HELZ2: variants seen among roughly 807,000 people sequenced by gnomAD.
HELZ2 encodes the protein helicase with zinc finger 2.
In HELZ2, 143 loss-of-function variants were observed where a neutral mutation model predicts 208.8. That is an observed-to-expected ratio of 0.68 (90% CI 0.60 to 0.79). HELZ2 has a LOEUF of 0.79. Ranked by LOEUF, HELZ2 falls within the 30% of genes least tolerant of loss-of-function variation. HELZ2 has a pLI of 0.00. For synonymous variants in HELZ2, 1,705 were observed against 1,693.7 expected, an observed-to-expected ratio of 1.01 and a Z score of -0.16; for missense variants, 3,690 against 3,794.5, an observed-to-expected ratio of 0.97 and a Z score of 0.72.
At position 63,563,101 on chromosome 20, in the gene HELZ2, C is replaced by G. The variant is rs778133357; in HGVS notation, c.5721G>C (p.Pro1907=). The G allele has an allele frequency of 1.1e-5, 17 of 1,595,440 alleles. No homozygotes were observed. In the South Asian group the frequency reaches 1.9e-4, roughly 18 times the overall value. The change falls in exon 8 of 19, where the codon CCG becomes CCC. Residue 1907 remains proline, a synonymous_variant. Coordinates refer to ENST00000467148, the Ensembl canonical transcript of HELZ2. Reference sequence around the variant, plus strand: ...CGTGCTCCAGGCAGAGGCTGAAGCCCGGTGCCACCGTCCAGAGCTGAGGGC... The same window carrying G: ...CGTGCTCCAGGCAGAGGCTGAAGCCGGGTGCCACCGTCCAGAGCTGAGGGC...
At chr20:63,559,441 TCAGGGTCAGGTGGGAG>T in intron 18 of HELZ2, 71 bp from the exon 20 acceptor site, 1 of 1,212,376 alleles carries the variant, frequency 8.2e-7, no homozygotes, top group Non-Finnish European at 1.1e-6. Flanking sequence ...GTGGGAGGAG[TCAGGGTCAGGTGGGAG>T]TCAGTCAGGG....
chr20:63,562,210 G>A lies in HELZ2; in HGVS notation c.6398-7C>T, dbSNP rs767412349. On this transcript the variant is annotated splice_region_variant and splice_polypyrimidine_tract_variant and intron_variant, in intron 9 of 18. Transcript: ENST00000467148. Reference sequence around the variant, plus strand: ...AGGAACCTGCTGGGGATCACTGAGAGGGGGCAGCCTCCCTGAGCACTCATG... The same window carrying A: ...AGGAACCTGCTGGGGATCACTGAGAAGGGGCAGCCTCCCTGAGCACTCATG... 11 of 1,611,808 alleles carry A rather than the reference G, an allele frequency of 6.8e-6. No homozygotes were observed. The South Asian group carries it at 1.1e-4, about 16-fold the overall frequency.
chr20:63,568,787 C>T lies in HELZ2; in HGVS notation c.1301G>A (p.Arg434Gln), dbSNP rs369772118. The T allele has an allele frequency of 5.4e-5, 87 of 1,611,310 alleles. No homozygotes were observed. Among genetic ancestry groups the T allele is most frequent in the Admixed American group, 1.3e-4 (8 of 59,946 alleles). The change falls in exon 5 of 19, where the codon CGG (arginine) becomes CAG (glutamine). Residue 434 changes from arginine to glutamine, a missense_variant. Arg to Gln is a conservative substitution (Grantham distance 43). This residue lies in a region of HELZ2 where 1,119 missense variants were observed against 1,193.4 expected (regional missense o/e 0.94). Transcript: ENST00000467148. ...CTCTGAGCTGGCCCGCCTCTCCAGC[C>T]GCACCTCGAACACCGTATTGTCGGG... is the stretch of plus-strand genomic sequence containing the variant.
At chr20:63,559,975 T>C in exon 18 of HELZ2, 1 of 1,612,134 alleles carries the variant, frequency 6.2e-7, no homozygotes, top group Non-Finnish European at 8.5e-7. Context: ...CACATTCACT[T>C]GGTTGGGGTC....
exon 8 of HELZ2, chr20:63,564,284 T>G (rs771427879): frequency 2.2e-5 from 36 of 1,609,228 alleles, no homozygotes; most frequent in Non-Finnish European, 3.1e-5. Context: ...CAGGGTGCCG[T>G]CCTCGTCCGG....
At chr20:63,562,650 C>G in exon 8 of HELZ2, 1 of 1,595,016 alleles carries the variant, frequency 6.3e-7, no homozygotes. Context: ...TCCTGCCGGT[C>G]TGCCCGGCGC....
chr20:63,564,490 G>C, exon 8 of HELZ2: 1 of 1,587,928 alleles, frequency 6.3e-7, no homozygotes, highest in Non-Finnish European at 8.6e-7. Flanking sequence ...AGGGTGCAAA[G>C]CGCAGGCTCT....
chr20:63,560,817 A>C, exon 15 of HELZ2: 1 of 1,612,804 alleles, frequency 6.2e-7, no homozygotes, highest in Non-Finnish European at 8.5e-7. Context: ...AGTGTCCAGC[A>C]TATGTGCGTC....
At chr20:63,559,036 T>A (rs771706169), downstream of HELZ2, 3 of 537,254 alleles carry the variant, frequency 5.6e-6, no homozygotes, top group Non-Finnish European at 6.5e-6. Context: ...TGAGAGGTGT[T>A]CCTGTCCCCA....
exon 8 of HELZ2, chr20:63,562,763 G>A: frequency 6.2e-7 from 1 of 1,603,766 alleles, no homozygotes; most frequent in Non-Finnish European, 8.5e-7. Flanking sequence ...GCGTGGGCTG[G>A]CCGTGGGAGC....
chr20:63,572,004 T>G, intron 1 of HELZ2, 104 bp downstream of exon 2: 1 of 1,338,890 alleles, frequency 7.5e-7, no homozygotes, highest in Non-Finnish European at 1.0e-6. Flanking sequence ...CCTCTGGCTC[T>G]GCCTGTGGTG....
chr20:63,559,950 GGCCCGCGTGACA>G, exon 18 of HELZ2: 1 of 1,611,270 alleles, frequency 6.2e-7, no homozygotes, highest in South Asian at 1.1e-5. Context: ...GCCCCTCCTG[GGCCCGCGTGACA>G]GCCACATTCA....
chr20:63,566,010 G>A lies in HELZ2; in HGVS notation c.2812C>T (p.Arg938Trp), dbSNP rs749850439. ...AGGCCCTCGGGGCAGACACTGTGCC[G>A]CTCCACGCACTCACGGATGAAGCTC... Residue 938 changes from arginine to tryptophan, a missense_variant, in exon 8 of 19, where the codon CGG (arginine) becomes TGG (tryptophan). By Grantham distance (101) the Arg-to-Trp change is moderately radical. Coordinates refer to ENST00000467148, the Ensembl canonical transcript of HELZ2. 25 of 1,595,880 alleles carry A rather than the reference G, an allele frequency of 1.6e-5. No individual in the cohort carries two copies. The highest frequency in any genetic ancestry group is 1.1e-4 in the East Asian group (5 of 44,666).
At chr20:63,568,588 G>A in exon 5 of HELZ2, 1 of 1,594,644 alleles carries the variant, frequency 6.3e-7, no homozygotes, top group Non-Finnish European at 8.5e-7. Context: ...GCAGGGCGCA[G>A]GTGGGCAAGT....
At chr20:63,560,363 G>GTGT in intron 16 of HELZ2, 36 bp from the exon 18 acceptor site, 1 of 1,521,792 alleles carries the variant, frequency 6.6e-7, no homozygotes, top group Non-Finnish European at 8.7e-7. Flanking sequence ...GCGGACCCTG[G>GTGT]TGTCTCTCCT....
chr20:63,572,364 G>T (rs772214937), exon 1 of HELZ2: 12 of 1,552,052 alleles, frequency 7.7e-6, no homozygotes, highest in Non-Finnish European at 1.0e-5. Flanking sequence ...CCACCCAGCT[G>T]CTCGGCCTCC....
chr20:63,568,138 G>A (rs1382687186), intron 5 of HELZ2: 6 of 587,930 alleles, frequency 1.0e-5, no homozygotes, highest in Non-Finnish European at 1.5e-5. Context: ...ACTCTCCTTG[G>A]GCCAGGGCCC....
downstream of HELZ2, chr20:63,558,620 C>G (rs1185209167): frequency 1.3e-5 from 2 of 152,212 alleles, no homozygotes; most frequent in Non-Finnish European, 2.9e-5. Flanking sequence ...CTCACTGCAG[C>G]CTGCGCCTCC....
intron 13 of HELZ2, 32 bp downstream of exon 14, chr20:63,561,318 G>T: frequency 1.2e-6 from 2 of 1,612,662 alleles, no homozygotes; most frequent in Non-Finnish European, 1.7e-6. Flanking sequence ...CCATGCTGCA[G>T]GCAGCTCCAC....
Sources: allele counts gnomAD v4.1 joint callset, GRCh38; gene constraint gnomAD v4.1.1; regional missense constraint gnomAD v4.1.1; transcripts MANE v1.5; gene names NCBI Gene and HGNC (gene_info 2026-07-23, HGNC 2026-07-21).